ANKRD44: variants seen among roughly 807,000 people sequenced by gnomAD.
ANKRD44 encodes ankyrin repeat domain 44.
ANKRD44 carries 35 observed loss-of-function variants against 116.0 expected under a neutral mutation model. The observed-to-expected ratio is 0.30, with a 90% CI of 0.23 to 0.40. The LOEUF is 0.40. ANKRD44 is among the 10% of genes least tolerant of loss of function. The pLI is 1.00. For missense variants in ANKRD44, 1,014 were observed against 1,242.6 expected (o/e 0.82, Z 2.77); for synonymous variants, 435 against 461.8 (o/e 0.94, Z 0.74).
intron 1 of ANKRD44, among the ~76,000 whole-genome samples, chr2:197,277,131 A>C (rs943829281): frequency 4.0e-5 from 6 of 151,736 alleles, no homozygotes; most frequent in Non-Finnish European, 7.4e-5. Context: ...GTTTTACTGC[A>C]TTAGCCAGGA....
chr2:197,056,716 T>TA (rs1247853507), intron 16 of ANKRD44, among the ~76,000 whole-genome samples: 2 of 152,200 alleles, frequency 1.3e-5, no homozygotes, highest in African/African-American at 4.8e-5. Context: ...AATTTTTAGT[T>TA]AAATTTGTTT....
At chr2:197,183,119 T>C (rs1192972998) in intron 2 of ANKRD44, among the ~76,000 whole-genome samples, 4 of 151,990 alleles carry the variant, frequency 2.6e-5, no homozygotes, top group South Asian at 2.1e-4. Flanking sequence ...ATAAATACTA[T>C]TGGGGGAAAT....
chr2:197,172,867 A>G (rs997673668), intron 2 of ANKRD44, among the ~76,000 whole-genome samples: 1 of 152,014 alleles, frequency 6.6e-6, no homozygotes, highest in African/African-American at 2.4e-5. Context: ...CACCTGACCA[A>G]CTGTCCTATT....
intron 1 of ANKRD44, among the ~76,000 whole-genome samples, chr2:197,214,237 G>A (rs530713945): frequency 6.6e-6 from 1 of 152,088 alleles, no homozygotes; most frequent in East Asian, 1.9e-4. Flanking sequence ...CAATCTCAGG[G>A]ACATAATAAA....
chr2:197,241,930 C>G (rs569670969), intron 1 of ANKRD44, among the ~76,000 whole-genome samples: 2 of 152,058 alleles, frequency 1.3e-5, no homozygotes, highest in Non-Finnish European at 2.9e-5. Flanking sequence ...CTTAAAAATA[C>G]ATATTACTGT....
intron 15 of ANKRD44, 107 bp from the exon 16 acceptor site, chr2:197,078,921 T>C: frequency 8.3e-7 from 1 of 1,208,970 alleles, no homozygotes; most frequent in Non-Finnish European, 1.1e-6. Flanking sequence ...ACTTTATGAG[T>C]TTGTTTCTTT....
At chr2:197,192,663 G>T (rs1301611186) in intron 1 of ANKRD44, among the ~76,000 whole-genome samples, 1 of 152,152 alleles carries the variant, frequency 6.6e-6, no homozygotes, top group East Asian at 1.9e-4. Context: ...ATAAAAATTT[G>T]TTCAAGTCAC....
rs575460486 is a variant in ANKRD44 at position 196,989,355 on chromosome 2, T to C, written c.*236A>G. 6 of 1,067,074 alleles carry C rather than the reference T, an allele frequency of 5.6e-6. No homozygotes were observed. In the African/African-American group the frequency reaches 1.0e-4, roughly 18 times the overall value. 66.1% of individuals were successfully genotyped at this position (1,067,074 alleles called of 1,614,324 possible). On this transcript the variant is annotated 3_prime_UTR_variant, in exon 28 of 28. Coordinates refer to ENST00000282272, the MANE Select transcript of ANKRD44 (RefSeq NM_001195144.2). ...AACTAGAAATCTGTGTCCTAAGAAA[T>C]ATAAAATACAACAAAGACTGGTACA...
At chr2:197,179,174 C>A (rs1045926290) in intron 2 of ANKRD44, among the ~76,000 whole-genome samples, 2 of 152,150 alleles carry the variant, frequency 1.3e-5, no homozygotes, top group African/African-American at 4.8e-5. Context: ...ATTCCTGTGC[C>A]ATTAACATAC....
At chr2:197,009,658 C>T (rs1388331777) in intron 18 of ANKRD44, among the ~76,000 whole-genome samples, 2 of 152,154 alleles carry the variant, frequency 1.3e-5, no homozygotes, top group East Asian at 1.9e-4. Context: ...CATGAGCCAC[C>T]GTGCCTGGCC....
intron 21 of ANKRD44, among the ~76,000 whole-genome samples, chr2:197,003,281 G>A (rs186775860): frequency 6.4e-4 from 97 of 152,102 alleles, no homozygotes; most frequent in African/African-American, 2.2e-3. Context: ...ACAAGCCTGG[G>A]TGACAGAGTA....
chr2:197,071,787 T>C (rs913384833), intron 16 of ANKRD44, among the ~76,000 whole-genome samples: 1 of 152,184 alleles, frequency 6.6e-6, no homozygotes, highest in Non-Finnish European at 1.5e-5. Context: ...GAGAGAGAGG[T>C]GCTAAAGTCT....
At chr2:197,154,333 C>A (rs2079749457) in intron 2 of ANKRD44, among the ~76,000 whole-genome samples, 1 of 151,742 alleles carries the variant, frequency 6.6e-6, no homozygotes, top group African/African-American at 2.4e-5. Flanking sequence ...GCGCCCGCTA[C>A]CACGCCCGGC....
chr2:197,278,753 C>A (rs909735011), intron 1 of ANKRD44, among the ~76,000 whole-genome samples: 2 of 152,212 alleles, frequency 1.3e-5, no homozygotes, highest in Non-Finnish European at 2.9e-5. Context: ...ACTTTCTCTT[C>A]CCCACCACCC....
intron 14 of ANKRD44, among the ~76,000 whole-genome samples, chr2:197,082,188 T>C (rs1479053102): frequency 6.6e-6 from 1 of 152,216 alleles, no homozygotes; most frequent in Non-Finnish European, 1.5e-5. Flanking sequence ...AGATGAAGTA[T>C]ATTGTTTCCC....
At chr2:197,308,152 GAC>G (rs368196906) in intron 1 of ANKRD44, among the ~76,000 whole-genome samples, 22,175 of 143,730 alleles carry the variant, frequency 0.15, 4,258 homozygotes, top group African/African-American at 0.46. Context: ...GTGAGACCCT[GAC>G]ACACACACAC....
chr2:197,097,739 G>C (rs996418506), intron 10 of ANKRD44, among the ~76,000 whole-genome samples: 4 of 152,194 alleles, frequency 2.6e-5, no homozygotes, highest in Admixed American at 2.6e-4. Flanking sequence ...AGTATGTCTG[G>C]ACTGCTATCA....
chr2:197,011,356 T>C (rs1414440661), intron 18 of ANKRD44, among the ~76,000 whole-genome samples: 1 of 152,198 alleles, frequency 6.6e-6, no homozygotes, highest in Admixed American at 6.5e-5. Flanking sequence ...ATTATCTAAC[T>C]TCATATAACT....
In ANKRD44 at chr2:197,000,580, C is replaced by T. The variant is rs981200258; in HGVS notation, c.2436-78G>A. On this transcript the variant is annotated intron_variant, in intron 22 of 27. Coordinates refer to ENST00000282272, the MANE Select transcript of ANKRD44 (RefSeq NM_001195144.2). ...ACCTCCTAACCCATCTTCCTATGTA[C>T]TGTATATTTGACAATCTGAAGCATT... The T allele has an allele frequency of 9.6e-5, 110 of 1,143,130 alleles. 1 individual carries two copies. The highest frequency in any genetic ancestry group is 1.9e-4 in the Middle Eastern group (1 of 5,134). 70.8% of individuals were successfully genotyped at this position (1,143,130 alleles called of 1,614,324 possible). A position where few individuals can be genotyped will look rare whatever the true frequency, so the allele number is the denominator to read the frequency against.
Sources: allele counts gnomAD v4.1 joint callset (sites outside exome capture counted in the v4.1 genomes callset), GRCh38; gene constraint gnomAD v4.1.1; transcripts MANE v1.5; gene names NCBI Gene and HGNC (gene_info 2026-07-23, HGNC 2026-07-21).